Variants in ARID1B observed in about 807,000 individuals in gnomAD.
ARID1B encodes AT-rich interaction domain 1B.
A neutral mutation model predicts 212.3 loss-of-function variants in ARID1B; 30 were observed. The observed-to-expected ratio is 0.14, with a 90% CI of 0.11 to 0.19. The LOEUF is 0.19. ARID1B is among the 10% of genes least tolerant of loss of function. ARID1B has a pLI of 1.00. For synonymous variants in ARID1B, 1,402 were observed against 1,301.7 expected, an observed-to-expected ratio of 1.08 and a Z score of -1.66; for missense variants, 2,891 against 3,204.0, an observed-to-expected ratio of 0.90 and a Z score of 2.36.
intron 2 of ARID1B, among the ~76,000 whole-genome samples, chr6:156,882,023 ATCTGCTGTATGCCTAGCATGGCCCTGG>A (rs1787139585): frequency 6.6e-6 from 1 of 152,224 alleles, no homozygotes; most frequent in Non-Finnish European, 1.5e-5. Flanking sequence ...TTTTTTAAGC[ATCTGCTGTATGCCTAGCATGGCCCTGG>A]GAATTAATAA....
intron 4 of ARID1B, among the ~76,000 whole-genome samples, chr6:156,967,177 A>G (rs1467275473): frequency 6.6e-6 from 1 of 152,242 alleles, no homozygotes; most frequent in Non-Finnish European, 1.5e-5. Context: ...TGAAAGGGTC[A>G]TAGTATTCTT....
At position 156,779,126 on chromosome 6, in the gene ARID1B, G is replaced by C; in HGVS notation, c.1446G>C (p.Ala482=). 3.2e-6 allele frequency: 4 copies of C among 1,243,714 alleles called. No individual in the cohort carries two copies. Among genetic ancestry groups the C allele is most frequent in the Non-Finnish European group, 4.0e-6 (4 of 993,396 alleles). 77.0% of individuals were successfully genotyped at this position (1,243,714 alleles called of 1,614,324 possible). A position where few individuals can be genotyped will look rare whatever the true frequency, so the allele number is the denominator to read the frequency against. ...SLSKAAAGSA[A]GGFQRFAGQN... The stretch of plus-strand genomic sequence containing the variant: ...GCAAGGCGGCCGCCGGCTCGGCGGC[G>C]GGGGGCTTCCAGCGCTTCGCCGGCC... Residue 482 remains alanine (A), a synonymous_variant, in exon 1 of 20, where the codon GCG becomes GCC. Transcript: ENST00000636930.
chr6:156,850,377 A>G (rs1035375626), intron 2 of ARID1B, among the ~76,000 whole-genome samples: 21 of 152,162 alleles, frequency 1.4e-4, no homozygotes, highest in African/African-American at 5.1e-4. Flanking sequence ...AATTGTGTAA[A>G]TATTTTTCTT....
At chr6:157,131,148 CTG>C (rs1289275703) in intron 6 of ARID1B, among the ~76,000 whole-genome samples, 1 of 152,164 alleles carries the variant, frequency 6.6e-6, no homozygotes, top group Non-Finnish European at 1.5e-5. Flanking sequence ...ACTCAGCACT[CTG>C]TTGGCCGCAT....
intron 4 of ARID1B, among the ~76,000 whole-genome samples, chr6:157,007,055 T>C (rs1779291418): frequency 6.6e-6 from 1 of 152,200 alleles, no homozygotes; most frequent in African/African-American, 2.4e-5. Flanking sequence ...AAGGAAATAA[T>C]CCAAAATGTT....
rs75227892 is a variant in ARID1B at position 156,965,446 on chromosome 6, A to G, written c.2247+29870A>G. ...TATGGAAAATGGGTGTCACTTAAGA[A>G]AAGTCACTGTTTGTTATTCGATGAC... On this transcript the variant is annotated intron_variant, in intron 4 of 19. Transcript: ENST00000636930. Among the ~76,000 whole-genome samples the G allele has an allele frequency of 6.1e-3, 934 of 152,336 alleles. 14 individuals are homozygous for G. Among genetic ancestry groups the G allele is most frequent in the African/African-American group, 0.022 (899 of 41,566 alleles).
chr6:156,986,264 G>A (rs1777910605), intron 4 of ARID1B, among the ~76,000 whole-genome samples: 1 of 152,112 alleles, frequency 6.6e-6, no homozygotes, highest in Admixed American at 6.5e-5. Context: ...CACCTGTATG[G>A]GAAGGTATTG....
At chr6:156,858,242 G>T (rs975084279) in intron 2 of ARID1B, among the ~76,000 whole-genome samples, 1 of 152,146 alleles carries the variant, frequency 6.6e-6, no homozygotes, top group Non-Finnish European at 1.5e-5. Context: ...GGAGAGATGG[G>T]AGGGGGGATA....
chr6:156,842,104 G>C (rs554317551), intron 2 of ARID1B, among the ~76,000 whole-genome samples: 1 of 152,212 alleles, frequency 6.6e-6, no homozygotes, highest in South Asian at 2.1e-4. Context: ...CACACTTAGA[G>C]GAATTTTTTT....
intron 3 of ARID1B, among the ~76,000 whole-genome samples, chr6:156,929,914 C>CT (rs11347657): frequency 1.6e-3 from 233 of 147,704 alleles, no homozygotes; most frequent in African/African-American, 4.1e-3. Context: ...CTCTTAAATT[C>CT]TTTTTTTTTT....
At chr6:157,178,415 CAT>C (rs1792262402) in intron 11 of ARID1B, among the ~76,000 whole-genome samples, 1 of 152,146 alleles carries the variant, frequency 6.6e-6, no homozygotes, top group South Asian at 2.1e-4. Flanking sequence ...ACGTGCAAAA[CAT>C]ACAGTTTTAC....
intron 3 of ARID1B, among the ~76,000 whole-genome samples, chr6:156,915,748 T>C (rs1017156504): frequency 6.6e-6 from 1 of 151,914 alleles, no homozygotes; most frequent in Non-Finnish European, 1.5e-5. Flanking sequence ...ATACAAAAAT[T>C]AGCTAGATGT....
intron 4 of ARID1B, among the ~76,000 whole-genome samples, chr6:157,054,929 CTT>C (rs1295783949): frequency 1.3e-5 from 2 of 152,240 alleles, no homozygotes; most frequent in Non-Finnish European, 2.9e-5. Flanking sequence ...TGGTGGGTCT[CTT>C]TTCACATGGA....
intron 3 of ARID1B, among the ~76,000 whole-genome samples, chr6:156,903,416 A>T (rs557682517): frequency 1.3e-5 from 2 of 152,218 alleles, no homozygotes; most frequent in African/African-American, 4.8e-5. Flanking sequence ...TACATTGGAA[A>T]TTTTTTCTTG....
At chr6:156,981,311 C>G (rs1777588819) in intron 4 of ARID1B, among the ~76,000 whole-genome samples, 1 of 152,168 alleles carries the variant, frequency 6.6e-6, no homozygotes, top group African/African-American at 2.4e-5. Flanking sequence ...TGGAGAGTCT[C>G]TGCCGTTCTT....
intron 4 of ARID1B, among the ~76,000 whole-genome samples, chr6:156,985,803 T>C (rs1423000011): frequency 6.6e-6 from 1 of 152,144 alleles, no homozygotes; most frequent in Non-Finnish European, 1.5e-5. Flanking sequence ...GGAACACATA[T>C]CTAAATATCA....
chr6:156,959,853 C>G (rs889156942), intron 4 of ARID1B, among the ~76,000 whole-genome samples: 8 of 151,612 alleles, frequency 5.3e-5, no homozygotes, highest in Non-Finnish European at 1.0e-4. Flanking sequence ...GCTGCTCTCT[C>G]TGGTTTGCTG....
rs868037335 is a variant in ARID1B at position 156,897,282 on chromosome 6, A to C, written c.1987-4094A>C. On this transcript the variant is annotated intron_variant, in intron 2 of 19. Transcript: ENST00000636930. The stretch of plus-strand genomic sequence containing the variant: ...TCTTCTTCTTATTATTATTATTATT[A>C]TTATTATTTGAGACAGAGTCTTGCC... Among the ~76,000 whole-genome samples, 430 of 128,258 alleles carry C rather than the reference A, an allele frequency of 3.4e-3. 1 individual carries two copies. The highest frequency in any genetic ancestry group is 8.2e-3 in the South Asian group (32 of 3,896). 84.1% of individuals were successfully genotyped at this position (128,258 alleles called of 152,430 possible).
At chr6:157,098,583 C>T (rs894751714) in intron 5 of ARID1B, among the ~76,000 whole-genome samples, 3 of 152,208 alleles carry the variant, frequency 2.0e-5, no homozygotes, top group Admixed American at 6.5e-5. Context: ...CCTCAAGATT[C>T]CCAAAGTTAG....
Sources: allele counts gnomAD v4.1 joint callset (sites outside exome capture counted in the v4.1 genomes callset), GRCh38; gene constraint gnomAD v4.1.1; transcripts MANE v1.5; gene names NCBI Gene and HGNC (gene_info 2026-07-23, HGNC 2026-07-21).